Variants in DHPS observed in about 807,000 individuals in gnomAD.
DHPS encodes the protein deoxyhypusine synthase, also known as migration-inducing gene 13.
DHPS carries 24 observed loss-of-function variants against 38.7 expected under a neutral mutation model. That is an observed-to-expected ratio of 0.62 (90% confidence interval 0.45 to 0.87). The LOEUF (loss-of-function observed/expected upper bound fraction) is 0.87, where lower values mean the gene tolerates loss of function less well. DHPS is among the 40% of genes least tolerant of loss of function. The pLI is 0.00. For missense variants in DHPS, 510 were observed against 497.6 expected, an observed-to-expected ratio of 1.02 and a Z score of -0.24; for synonymous variants, 250 against 204.4, an observed-to-expected ratio of 1.22 and a Z score of -1.90.
At chr19:12,673,616 CTA>C (rs1382080730), downstream of DHPS, among the ~76,000 whole-genome samples, 9 of 152,118 alleles carry the variant, frequency 5.9e-5, no homozygotes, top group East Asian at 1.7e-3. Context: ...CAGGGTTTCA[CTA>C]TGTTGGTCAG....
At chr19:12,680,619 C>T (rs142973288) in intron 1 of DHPS, among the ~76,000 whole-genome samples, 2,587 of 151,632 alleles carry the variant, frequency 0.017, 38 homozygotes, top group Middle Eastern at 0.051. Context: ...CTGCAAGCTC[C>T]ACCTCCCGGG....
chr19:12,677,235 G>A (rs775628435), intron 6 of DHPS, 24 bp from the exon 7 acceptor site: 4 of 1,613,990 alleles, frequency 2.5e-6, no homozygotes, highest in Non-Finnish European at 3.4e-6. Context: ...GCCGAAGTCA[G>A]GCCTTGGACT....
downstream of DHPS, among the ~76,000 whole-genome samples, chr19:12,674,886 G>T (rs187220880): frequency 1.3e-5 from 2 of 149,344 alleles, no homozygotes; most frequent in Admixed American, 1.3e-4. Context: ...GAGGCCGAGG[G>T]GGGTGGATCA....
At chr19:12,676,389 A>T in intron 7 of DHPS, 1 of 500,288 alleles carries the variant, frequency 2.0e-6, no homozygotes, top group Non-Finnish European at 3.6e-6. Flanking sequence ...GCAAGGCAGG[A>T]GCTGCCAGCA....
chr19:12,676,923 T>C, intron 7 of DHPS, 185 bp downstream of exon 7: 2 of 610,894 alleles, frequency 3.3e-6, no homozygotes, highest in Non-Finnish European at 5.9e-6. Flanking sequence ...CATCATTTAG[T>C]ATTCCCCGTA....
Position 12,680,149 on chromosome 19 carries a change from C to A in DHPS, c.372+12G>T, listed in dbSNP as rs745821819. 6.2e-6 allele frequency: 10 copies of A among 1,613,622 alleles called. No homozygotes were observed. On this transcript the variant is annotated intron_variant, in intron 2 of 8. Transcript: ENST00000210060. ...CCCAGAGGCCAAGGCCACGGCCTCA[C>A]CAGGTCCCCACCATGTTGTGCTGCA...
At position 12,676,155 on chromosome 19, in the gene DHPS, G is replaced by A. The variant is rs761967987; in HGVS notation, c.889-13C>T. ...CGGCCCCGTTCCGCTGTGGGGAGGC[G>A]GGGGCACGGTGGGCCCAGTCAGCCA... On this transcript the variant is annotated splice_polypyrimidine_tract_variant and intron_variant, in intron 7 of 8. Coordinates refer to ENST00000210060, the MANE Select transcript of DHPS (RefSeq NM_001930.4). The A allele has an allele frequency of 2.3e-5, 36 of 1,598,128 alleles. No individual in the cohort carries two copies. The South Asian group carries it at 2.3e-4, about 10-fold the overall frequency.
chr19:12,673,310 G>T, downstream of DHPS: 1 of 1,613,568 alleles, frequency 6.2e-7, no homozygotes, highest in Non-Finnish European at 8.5e-7. Flanking sequence ...TCTGGGACCT[G>T]GTGGAGGTGA....
chr19:12,675,515 C>T (rs1313510824), downstream of DHPS: 2 of 1,602,760 alleles, frequency 1.2e-6, no homozygotes, highest in Non-Finnish European at 1.7e-6. Context: ...CTACCCCTCG[C>T]TCCACAGGGT....
chr19:12,676,020 G>A lies in DHPS; in HGVS notation c.1011C>T (p.Val337=). 6.8e-6 allele frequency: 11 copies of A among 1,613,790 alleles called. No homozygotes were observed. Among genetic ancestry groups the A allele is most frequent in the Non-Finnish European group, 7.6e-6 (9 of 1,179,824 alleles). The change falls in exon 8 of 9, where the codon GTC becomes GTT. Residue 337 remains valine (V), a synonymous_variant. Transcript: ENST00000210060. ...WGKIRVDAQP[V]KVYADASLVF... ...GCCCCACCCAGCCAGCGCTTACCTT[G>A]ACGGGCTGTGCATCCACCCGGATCT...
rs757426676 is a variant in DHPS, at chr19:12,680,142, G to C, written c.372+19C>G. ...CCATTGACCCAGAGGCCAAGGCCAC[G>C]GCCTCACCAGGTCCCCACCATGTTG... On this transcript the variant is annotated intron_variant, in intron 2 of 8. Coordinates refer to ENST00000210060, the MANE Select transcript of DHPS (RefSeq NM_001930.4). 3 of 1,613,112 alleles carry C rather than the reference G, an allele frequency of 1.9e-6. No homozygotes were observed. Among genetic ancestry groups the C allele is most frequent in the Non-Finnish European group, 2.5e-6 (3 of 1,179,216 alleles).
downstream of DHPS, among the ~76,000 whole-genome samples, chr19:12,674,512 C>CTT (rs2024513172): frequency 6.6e-6 from 1 of 152,170 alleles, no homozygotes; most frequent in Non-Finnish European, 1.5e-5. Flanking sequence ...AAGAATGTTC[C>CTT]ACCTATTTCT....
Position 12,679,781 on chromosome 19 carries a change from A to G in DHPS, c.494+20T>C, listed in dbSNP as rs1568319463. On this transcript the variant is annotated intron_variant, in intron 3 of 8. Transcript: ENST00000210060. ...ACCCTTGGTCCAGCTCCCCTGCCCA[A>G]CACCACTCAGGGTTCTCACCTATTG... 6.2e-7 allele frequency: 1 copy of G among 1,614,040 alleles called. No homozygotes were observed. Among genetic ancestry groups the G allele is most frequent in the Non-Finnish European group, 8.5e-7 (1 of 1,179,956 alleles).
In DHPS at chr19:12,677,224, C is replaced by T. The variant is rs749528954; in HGVS notation, c.785-13G>A. ...ATGAGCCTCAGGTCTGGGGGAAGAG[C>T]GCCGAAGTCAGGCCTTGGACTCAGC... On this transcript the variant is annotated splice_polypyrimidine_tract_variant and intron_variant, in intron 6 of 8. Transcript: ENST00000210060. The T allele has an allele frequency of 1.1e-5, 18 of 1,614,022 alleles. No homozygotes were observed. Among genetic ancestry groups the T allele is most frequent in the African/African-American group, 2.7e-5 (2 of 74,940 alleles).
chr19:12,672,632 A>C, downstream of DHPS: 2 of 575,270 alleles, frequency 3.5e-6, no homozygotes, highest in Non-Finnish European at 6.2e-6. Context: ...AAAAGGGGGA[A>C]TCAGAAGGAC....
downstream of DHPS, chr19:12,675,645 C>T (rs1489814215): frequency 6.2e-7 from 1 of 1,601,668 alleles, no homozygotes; most frequent in Non-Finnish European, 8.5e-7. Context: ...GAGAGGAGGC[C>T]TATGAGGCAG....
downstream of DHPS, among the ~76,000 whole-genome samples, chr19:12,674,562 C>G (rs2024514148): frequency 6.6e-6 from 1 of 152,144 alleles, no homozygotes; most frequent in Non-Finnish European, 1.5e-5. Flanking sequence ...GGAGGGCAGG[C>G]ACATCAAGGG....
At chr19:12,680,364 A>G in intron 1 of DHPS, 39 bp from the exon 2 acceptor site, 1 of 1,611,522 alleles carries the variant, frequency 6.2e-7, no homozygotes, top group Non-Finnish European at 8.5e-7. Flanking sequence ...CACTGGCCTT[A>G]AATCCCAGAC....
At chr19:12,679,403 A>T in intron 5 of DHPS, 54 bp downstream of exon 5, 2 of 1,529,276 alleles carry the variant, frequency 1.3e-6, no homozygotes, top group Non-Finnish European at 1.8e-6. Context: ...GGAAAGATGA[A>T]ATAAGTTAAC....
Sources: allele counts gnomAD v4.1 joint callset (sites outside exome capture counted in the v4.1 genomes callset), GRCh38; gene constraint gnomAD v4.1.1; transcripts MANE v1.5; gene names NCBI Gene and HGNC (gene_info 2026-07-23, HGNC 2026-07-21).